Variants in GDAP1L1 observed in about 807,000 individuals in gnomAD.
The protein encoded by GDAP1L1 is ganglioside induced differentiation associated protein 1 like 1, also known as ganglioside-induced differentiation-associated protein 1-like 1.
GDAP1L1 carries 21 observed loss-of-function variants against 37.1 expected under a neutral mutation model. The observed-to-expected ratio is 0.57, with a 90% confidence interval of 0.40 to 0.81. The LOEUF is 0.81. Ranked by LOEUF, GDAP1L1 falls within the 40% of genes least tolerant of loss-of-function variation. The probability of loss-of-function intolerance (pLI) is 0.00; values close to 1 mark genes in which losing one functional copy is unlikely to be tolerated. For missense variants in GDAP1L1, 362 were observed against 491.6 expected, an observed-to-expected ratio of 0.74 and a Z score of 2.49; for synonymous variants, 193 against 209.1, an observed-to-expected ratio of 0.92 and a Z score of 0.67.
At chr20:44,263,197 A>G (rs2073703699) in intron 3 of GDAP1L1, 33 bp from the exon 4 acceptor site, 2 of 1,564,740 alleles carry the variant, frequency 1.3e-6, no homozygotes, top group Non-Finnish European at 8.8e-7. Flanking sequence ...CCAAGGTATC[A>G]GAGGGATGGG....
intron 1 of GDAP1L1, among the ~76,000 whole-genome samples, chr20:44,255,261 C>A (rs2073516011): frequency 6.6e-6 from 1 of 152,032 alleles, no homozygotes; most frequent in African/African-American, 2.4e-5. Context: ...AGTAAAGCTG[C>A]CCAGGCATGG....
intron 1 of GDAP1L1, among the ~76,000 whole-genome samples, chr20:44,255,799 G>T (rs2073529799): frequency 6.6e-6 from 1 of 152,096 alleles, no homozygotes; most frequent in South Asian, 2.1e-4. Context: ...GTGGAAGGTG[G>T]GGAGGGAAGC....
intron 1 of GDAP1L1, among the ~76,000 whole-genome samples, chr20:44,251,066 G>A (rs906068358): frequency 6.6e-6 from 1 of 152,142 alleles, no homozygotes; most frequent in Non-Finnish European, 1.5e-5. Context: ...AACCAAGACT[G>A]CTACTTCCTA....
At chr20:44,247,185 C>G (rs928188845), upstream of GDAP1L1, 1 of 774,538 alleles carries the variant, frequency 1.3e-6, no homozygotes, top group Non-Finnish European at 2.1e-6. Flanking sequence ...TCCCCTCGCC[C>G]CCTCCCCCAA....
At chr20:44,256,178 T>C (rs911172994) in intron 1 of GDAP1L1, among the ~76,000 whole-genome samples, 5 of 152,164 alleles carry the variant, frequency 3.3e-5, no homozygotes, top group African/African-American at 9.7e-5. Flanking sequence ...TTGCCATCTC[T>C]GGGCTTTAGT....
At chr20:44,257,379 A>G (rs2073578093) in intron 2 of GDAP1L1, 34 bp downstream of exon 2, 2 of 1,589,348 alleles carry the variant, frequency 1.3e-6, no homozygotes, top group Non-Finnish European at 1.7e-6. Context: ...GGCCCACTCC[A>G]TACCACAGAT....
chr20:44,271,462 T>C (rs192314653), intron 5 of GDAP1L1, among the ~76,000 whole-genome samples: 79 of 152,194 alleles, frequency 5.2e-4, no homozygotes, highest in Middle Eastern at 3.4e-3. Context: ...GATAAGAAAG[T>C]GTGCCCTCGG....
intron 5 of GDAP1L1, among the ~76,000 whole-genome samples, chr20:44,278,542 A>C (rs2062608431): frequency 6.6e-6 from 1 of 151,954 alleles, no homozygotes; most frequent in African/African-American, 2.4e-5. Flanking sequence ...CACCACACCC[A>C]GCTAATTTTT....
chr20:44,280,103 G>A lies in GDAP1L1; in HGVS notation c.*803G>A, dbSNP rs1019380459. The stretch of plus-strand genomic sequence containing the variant: ...GTCAGTCCAGCCCAAGTGCAGGGGC[G>A]GATCTGGAGGTGGACAAACCTAGGT... On this transcript the variant is annotated 3_prime_UTR_variant, in exon 6 of 6. Coordinates refer to ENST00000342560, the MANE Select transcript of GDAP1L1 (RefSeq NM_024034.6). The A allele has an allele frequency of 9.5e-5, 28 of 294,146 alleles. No individual in the cohort carries two copies. The highest frequency in any genetic ancestry group is 1.3e-4 in the Non-Finnish European group (20 of 149,560). 18.2% of individuals were successfully genotyped at this position (294,146 alleles called of 1,614,324 possible).
intron 1 of GDAP1L1, among the ~76,000 whole-genome samples, chr20:44,252,895 G>T (rs2073473185): frequency 6.6e-6 from 1 of 151,398 alleles, no homozygotes; most frequent in East Asian, 1.9e-4. Flanking sequence ...TGACTGCTCT[G>T]CTCCAGACAC....
At position 44,263,308 on chromosome 20, in the gene GDAP1L1, C is replaced by T; in HGVS notation, c.626C>T (p.Ser209Phe). 6.2e-7 allele frequency: 1 copy of T among 1,613,928 alleles called. No individual in the cohort carries two copies. Among genetic ancestry groups the T allele is most frequent in the Non-Finnish European group, 8.5e-7 (1 of 1,179,820 alleles). The change falls in exon 4 of 6, where the codon TCT (serine) becomes TTT (phenylalanine). Residue 209 changes from serine (S) to phenylalanine (F), a missense_variant. This residue lies in a region of GDAP1L1 where 277 missense variants were observed against 337.1 expected (regional missense o/e 0.82). Coordinates refer to ENST00000342560, the MANE Select transcript of GDAP1L1 (RefSeq NM_024034.6). ...CCCCAGCTCTCCGAGCCCTACCTTT[C>T]TAAACAAAAGAAGCTCATGGTGAGT... ...EEPQLSEPYL[S>F]KQKKLMAKIL...
At chr20:44,248,835 T>G (rs1808720352) in intron 1 of GDAP1L1, among the ~76,000 whole-genome samples, 2 of 152,162 alleles carry the variant, frequency 1.3e-5, no homozygotes, top group African/African-American at 4.8e-5. Flanking sequence ...CCACCAATCA[T>G]ATTGCCCACT....
intron 1 of GDAP1L1, among the ~76,000 whole-genome samples, chr20:44,255,266 G>T (rs909624579): frequency 1.3e-5 from 2 of 152,090 alleles, no homozygotes; most frequent in Non-Finnish European, 2.9e-5. Context: ...AGCTGCCCAG[G>T]CATGGTGGCT....
At chr20:44,252,422 C>T (rs111878440) in intron 1 of GDAP1L1, among the ~76,000 whole-genome samples, 5,254 of 152,188 alleles carry the variant, frequency 0.035, 308 homozygotes, top group African/African-American at 0.12. Context: ...GGCGGATCAC[C>T]TGAAGTTAGG....
rs112834373 is a variant in GDAP1L1, at chr20:44,248,497, C to T, written c.180+983C>T. 6.8e-3 allele frequency among the ~76,000 whole-genome samples: 1,038 copies of T among 152,370 alleles called. 19 individuals carry two copies. Among genetic ancestry groups the T allele is most frequent in the African/African-American group, 0.024 (1,005 of 41,578 alleles). ...AACAGAATCCATGAAGAGAAAGGGC[C>T]TTGGAACTCAAAGACTTAGATTTGA... is the stretch of plus-strand genomic sequence containing the variant. On this transcript the variant is annotated intron_variant, in intron 1 of 5. Coordinates refer to ENST00000342560, the MANE Select transcript of GDAP1L1 (RefSeq NM_024034.6).
chr20:44,257,273 A>G lies in GDAP1L1; in HGVS notation c.301A>G (p.Ile101Val). The G allele has an allele frequency of 6.2e-7, 1 of 1,613,980 alleles. No homozygotes were observed. Among genetic ancestry groups the G allele is most frequent in the Non-Finnish European group, 8.5e-7 (1 of 1,179,964 alleles). ...RLNLGEEVPV[I>V]IHRDNIISDY... ...CAACCTGGGCGAGGAGGTGCCCGTC[A>G]TCATCCACCGCGACAACATCATCAG... Residue 101 changes from isoleucine (I) to valine (V), a missense_variant, in exon 2 of 6, where the codon ATC becomes GTC. This residue lies in a region of GDAP1L1 where 277 missense variants were observed against 337.1 expected (regional missense o/e 0.82). Coordinates refer to ENST00000342560, the MANE Select transcript of GDAP1L1 (RefSeq NM_024034.6).
intron 5 of GDAP1L1, among the ~76,000 whole-genome samples, chr20:44,275,028 G>A (rs1242158633): frequency 6.6e-6 from 1 of 152,056 alleles, no homozygotes; most frequent in Admixed American, 6.6e-5. Flanking sequence ...TAGTAGCTGG[G>A]ACCACAGGCG....
At chr20:44,268,002 G>A (rs1220207256) in intron 5 of GDAP1L1, among the ~76,000 whole-genome samples, 5 of 152,224 alleles carry the variant, frequency 3.3e-5, no homozygotes, top group Non-Finnish European at 7.3e-5. Context: ...GAAGCCCCAG[G>A]GAAGTGGTTA....
chr20:44,262,557 C>T (rs369631541), intron 3 of GDAP1L1, among the ~76,000 whole-genome samples: 12 of 152,176 alleles, frequency 7.9e-5, no homozygotes, highest in East Asian at 7.7e-4. Flanking sequence ...TCTCCTCCTC[C>T]GTGAGGTCTC....
Sources: gnomAD v4.1 joint callset for allele counts (sites outside exome capture counted in the v4.1 genomes callset) on GRCh38, gnomAD v4.1.1 for gene constraint, gnomAD v4.1.1 regional missense constraint, MANE v1.5 for transcripts, NCBI Gene and HGNC (gene_info 2026-07-23, HGNC 2026-07-21) for gene names.